CD24: variants seen among roughly 807,000 people sequenced by gnomAD.
CD24 encodes the protein signal transducer CD24.
In CD24, 2 loss-of-function variants were observed where a neutral mutation model predicts 3.6. That is an observed-to-expected ratio of 0.56 (90% CI 0.23 to 1.77). The LOEUF is 1.77. Among genes scored for constraint, CD24 ranks in the 40% most tolerant of loss-of-function variants. The pLI is 0.18. For missense variants in CD24, 62 were observed against 93.6 expected (o/e 0.66, Z 1.39); for synonymous variants, 33 against 44.9 (o/e 0.74, Z 1.06).
upstream of CD24, among the ~76,000 whole-genome samples, chr6:106,975,829 C>G (rs1350851525): frequency 6.6e-6 from 1 of 152,260 alleles, no homozygotes; most frequent in Non-Finnish European, 1.5e-5. Context: ...TGGGGATACA[C>G]TTTTTCGGTC....
Position 106,974,726 on chromosome 6 carries a change from A to C in CD24, c.-80T>G. ...CGCTGGCTCCGGGCGGGCGCAGGCA[A>C]GGTGGGGAGCGCGGCGAGCCGGCGA... is the stretch of plus-strand genomic sequence containing the variant. On this transcript the variant is annotated 5_prime_UTR_variant, in exon 1 of 2. Coordinates refer to ENST00000606017, the MANE Select transcript of CD24 (RefSeq NM_001359084.1). 7.1e-7 allele frequency: 1 copy of C among 1,417,282 alleles called. No individual in the cohort carries two copies. Among genetic ancestry groups the C allele is most frequent in the Non-Finnish European group, 9.3e-7 (1 of 1,076,848 alleles). The allele number at this position is 1,417,282 out of a possible 1,614,324, so 87.8% of individuals were successfully genotyped here. A position where few individuals can be genotyped will look rare whatever the true frequency, so the allele number is the denominator to read the frequency against.
intron 1 of CD24, chr6:106,973,733 G>A (rs1264540338): frequency 1.3e-5 from 5 of 398,566 alleles, no homozygotes; most frequent in Non-Finnish European, 2.2e-5. Context: ...TCGCCGGCGC[G>A]GTGCATCCAT....
upstream of CD24, chr6:106,974,844 TTCCCCGCCC>T (rs1194052988): frequency 3.1e-6 from 1 of 318,890 alleles, no homozygotes; most frequent in Admixed American, 5.4e-5. Flanking sequence ...CCTCCCCGCC[TTCCCCGCCC>T]CGCTCCGGGT....
chr6:106,974,436 T>C, intron 1 of CD24, 142 bp downstream of exon 1: 1 of 541,078 alleles, frequency 1.8e-6, no homozygotes, highest in Non-Finnish European at 3.1e-6. Context: ...CCCTCTCCCC[T>C]GGTCAGCTAA....
chr6:106,973,296 T>G, intron 1 of CD24: 4 of 188,856 alleles, frequency 2.1e-5, no homozygotes, highest in East Asian at 1.3e-4. Flanking sequence ...TTTATTCGCA[T>G]TATTAAAACT....
At position 106,970,510 on chromosome 6, in the gene CD24, G is replaced by A. The variant is rs1221171245; in HGVS notation, c.*1151C>T. 1 of 152,508 alleles carries A rather than the reference G, an allele frequency of 6.6e-6. No homozygotes were observed. Among genetic ancestry groups the A allele is most frequent in the Non-Finnish European group, 1.5e-5 (1 of 68,028 alleles). The allele number at this position is 152,508 out of a possible 1,614,324, so 9.4% of individuals were successfully genotyped here. A position where few individuals can be genotyped will look rare whatever the true frequency, so the allele number is the denominator to read the frequency against. On this transcript the variant is annotated 3_prime_UTR_variant, in exon 2 of 2. Transcript: ENST00000606017. ...TTGTAAAAAGTATTCAACATATGCA[G>A]AAATAAAAAGCATTTTGATGGCTGG...
intron 1 of CD24, chr6:106,974,110 C>T: frequency 2.5e-6 from 1 of 395,562 alleles, no homozygotes; most frequent in Non-Finnish European, 4.5e-6. Context: ...GTGAGCCGCC[C>T]TCCCCGAAAG....
upstream of CD24, among the ~76,000 whole-genome samples, chr6:106,976,271 G>T (rs1265506487): frequency 7.9e-5 from 12 of 152,170 alleles, no homozygotes; most frequent in African/African-American, 2.9e-4. Flanking sequence ...GCATTTTTCG[G>T]TCTTTAAAGT....
chr6:106,972,451 A>AT (rs1772996174), intron 1 of CD24, among the ~76,000 whole-genome samples: 1 of 152,232 alleles, frequency 6.6e-6, no homozygotes, highest in East Asian at 1.9e-4. Flanking sequence ...GAAAAAGAAA[A>AT]TGAGTTTTTC....
At position 106,971,915 on chromosome 6, in the gene CD24, T is replaced by C. The variant is rs2114898068; in HGVS notation, c.70-81A>G. On this transcript the variant is annotated intron_variant, in intron 1 of 1. Transcript: ENST00000606017. ...TACTCTCATATAAAATTAAAGTAGG[T>C]GATATATTCTTAGATTGCTCTCTTA... The C allele has an allele frequency of 4.3e-6, 4 of 930,266 alleles. No individual in the cohort carries two copies. In the East Asian group the frequency reaches 1.1e-4, roughly 25 times the overall value. 57.6% of individuals were successfully genotyped at this position (930,266 alleles called of 1,614,324 possible).
chr6:106,974,874 C>A (rs1415560572), upstream of CD24: 5 of 186,134 alleles, frequency 2.7e-5, no homozygotes, highest in South Asian at 1.7e-4. Context: ...TCCCCAGCGC[C>A]CCCGCCGCCG....
chr6:106,973,295 A>T, intron 1 of CD24: 1 of 192,272 alleles, frequency 5.2e-6, no homozygotes, highest in Non-Finnish European at 1.0e-5. Flanking sequence ...ATTTATTCGC[A>T]TTATTAAAAC....
chr6:106,973,359 G>A (rs1773018778), intron 1 of CD24: 1 of 314,298 alleles, frequency 3.2e-6, no homozygotes. Context: ...AGATGGGGCG[G>A]GGAGTGGAGG....
rs1772938818 is a variant in CD24, at chr6:106,970,344, A to G, written c.*1317T>C. 6.6e-6 allele frequency: 1 copy of G among 152,558 alleles called. No individual in the cohort carries two copies. The highest frequency in any genetic ancestry group is 2.1e-4 in the South Asian group (1 of 4,824). The allele number at this position is 152,558 out of a possible 1,614,324, so 9.5% of individuals were successfully genotyped here. On this transcript the variant is annotated 3_prime_UTR_variant, in exon 2 of 2. Coordinates refer to ENST00000606017, the MANE Select transcript of CD24 (RefSeq NM_001359084.1). ...AAAAATGTATATACAGAAAGAGTAT[A>G]AAAGTTTGTGAATTTAATGCAAATT...
chr6:106,973,546 A>T (rs1773024774), intron 1 of CD24: 2 of 397,660 alleles, frequency 5.0e-6, no homozygotes, highest in Non-Finnish European at 8.9e-6. Context: ...CTGGGGACGG[A>T]GGACGCAGCG....
Position 106,970,327 on chromosome 6 carries a change from A to G in CD24, c.*1334T>C, listed in dbSNP as rs1365449466. On this transcript the variant is annotated 3_prime_UTR_variant, in exon 2 of 2. Coordinates refer to ENST00000606017, the MANE Select transcript of CD24 (RefSeq NM_001359084.1). Reference sequence around the variant, plus strand: ...GTTGTTTTTTAAAGAAAAAAAATGTATATACAGAAAGAGTATAAAAGTTTG... The same window carrying G: ...GTTGTTTTTTAAAGAAAAAAAATGTGTATACAGAAAGAGTATAAAAGTTTG... 9 of 152,756 alleles carry G rather than the reference A, an allele frequency of 5.9e-5. No individual in the cohort carries two copies. The highest frequency in any genetic ancestry group is 1.9e-4 in the African/African-American group (8 of 41,572). The allele number at this position is 152,756 out of a possible 1,614,324, so 9.5% of individuals were successfully genotyped here.
At chr6:106,975,546 CG>C (rs1288208771), upstream of CD24, 1 of 152,298 alleles carries the variant, frequency 6.6e-6, no homozygotes, top group Non-Finnish European at 1.5e-5. Flanking sequence ...AGTGAGCTCA[CG>C]GGGGCGTCCC....
chr6:106,973,688 C>T, intron 1 of CD24: 1 of 398,732 alleles, frequency 2.5e-6, no homozygotes, highest in East Asian at 3.6e-5. Context: ...CCCCCGCCCC[C>T]GCTAGGGTCT....
In CD24 at chr6:106,971,587, T is replaced by C; in HGVS notation, c.*74A>G. ...GAAGACCTGTTTTTCCTTGCCACAT[T>C]GGACTTCCAGACGCCATTTGGATTG... On this transcript the variant is annotated 3_prime_UTR_variant, in exon 2 of 2. Coordinates refer to ENST00000606017, the MANE Select transcript of CD24 (RefSeq NM_001359084.1). 2 of 1,242,900 alleles carry C rather than the reference T, an allele frequency of 1.6e-6. No individual in the cohort carries two copies. Among genetic ancestry groups the C allele is most frequent in the Non-Finnish European group, 1.1e-6 (1 of 892,842 alleles). 77.0% of individuals were successfully genotyped at this position (1,242,900 alleles called of 1,614,324 possible).
Sources: gnomAD v4.1 joint callset for allele counts (sites outside exome capture counted in the v4.1 genomes callset) on GRCh38, gnomAD v4.1.1 for gene constraint, MANE v1.5 for transcripts, NCBI Gene and HGNC (gene_info 2026-07-23, HGNC 2026-07-21) for gene names.